Variants in GABRA4 observed in about 807,000 individuals in gnomAD.
GABRA4 encodes gamma-aminobutyric acid type A receptor subunit alpha4.
Under a neutral mutation model 49.7 loss-of-function variants are expected in GABRA4, and 12 were observed. The ratio of observed to expected loss-of-function variants is 0.24; its 90% CI spans 0.15 to 0.39. GABRA4 has a LOEUF of 0.39. GABRA4 is among the 10% of genes least tolerant of loss of function. The pLI, the probability that GABRA4 is intolerant of heterozygous loss-of-function variation, is 1.00. For missense variants in GABRA4, 506 were observed against 686.0 expected (o/e 0.74, Z 2.93); for synonymous variants, 288 against 240.2 (o/e 1.20, Z -1.84).
chr4:46,970,907 C>T (rs1287808902), intron 7 of GABRA4, among the ~76,000 whole-genome samples, 176 bp downstream of exon 7: 1 of 151,420 alleles, frequency 6.6e-6, no homozygotes, highest in Non-Finnish European at 1.5e-5. Flanking sequence ...AGGAAGGATG[C>T]CCAAATCTCC....
At chr4:46,959,758 CAA>C (rs67861758) in intron 8 of GABRA4, among the ~76,000 whole-genome samples, 51 of 82,664 alleles carry the variant, frequency 6.2e-4, no homozygotes, top group African/African-American at 2.2e-3. Context: ...CATCACTTTG[CAA>C]AAAAAAAAAA....
rs911690924 is a variant in GABRA4, at chr4:46,919,783, T to C, written c.*8442A>G. 6.6e-6 allele frequency: 1 copy of C among 151,668 alleles called. No individual in the cohort carries two copies. Among genetic ancestry groups the C allele is most frequent in the African/African-American group, 2.4e-5 (1 of 41,412 alleles). 9.4% of individuals were successfully genotyped at this position (151,668 alleles called of 1,614,324 possible). On this transcript the variant is annotated 3_prime_UTR_variant, in exon 9 of 9. Transcript: ENST00000264318. The stretch of plus-strand genomic sequence containing the variant: ...AACATTTTCAGAATCAAAGTAATTA[T>C]CAGGGGATTTCCTTCATTAAGGATA...
intron 8 of GABRA4, among the ~76,000 whole-genome samples, chr4:46,931,424 A>G (rs1285951086): frequency 1.3e-5 from 2 of 152,110 alleles, no homozygotes; most frequent in Non-Finnish European, 2.9e-5. Flanking sequence ...AAGTATTAAA[A>G]CATTTAAGTT....
At chr4:46,991,891 T>C (rs1032665040) in intron 2 of GABRA4, among the ~76,000 whole-genome samples, 2 of 152,214 alleles carry the variant, frequency 1.3e-5, no homozygotes, top group Non-Finnish European at 2.9e-5. Context: ...GTAAGCTCCT[T>C]TAAGGCAGAA....
chr4:46,957,075 C>G (rs1368229539), intron 8 of GABRA4, among the ~76,000 whole-genome samples: 1 of 151,914 alleles, frequency 6.6e-6, no homozygotes, highest in East Asian at 1.9e-4. Context: ...ATCACAGATA[C>G]TATTTACTGG....
At chr4:46,970,521 T>C (rs1414183980) in intron 7 of GABRA4, among the ~76,000 whole-genome samples, 2 of 151,438 alleles carry the variant, frequency 1.3e-5, no homozygotes, top group African/African-American at 4.8e-5. Context: ...ATACAGTATA[T>C]ATGAAGCCAC....
intron 2 of GABRA4, among the ~76,000 whole-genome samples, chr4:46,984,201 A>G (rs1723457222): frequency 6.6e-6 from 1 of 151,958 alleles, no homozygotes; most frequent in African/African-American, 2.4e-5. Context: ...CATTTTCCAT[A>G]TTGCCTCCCC....
chr4:46,959,803 T>G (rs1019942456), intron 8 of GABRA4, among the ~76,000 whole-genome samples: 28 of 140,670 alleles, frequency 2.0e-4, no homozygotes, highest in Admixed American at 1.4e-3. Context: ...CAACTCACTA[T>G]AACACAAAAA....
chr4:46,926,074 A>AAACAAC lies in GABRA4; in HGVS notation c.*2145_*2150dup, dbSNP rs140431107. On this transcript the variant is annotated 3_prime_UTR_variant, in exon 9 of 9. Transcript: ENST00000264318. ...GCAAAGAGTAAGAGTTCCTCACCAA[A>AAACAAC]AACAACAACAACAACAACAACAACA... 6.0e-5 allele frequency: 9 copies of AAACAAC among 149,514 alleles called. No homozygotes were observed. Among genetic ancestry groups the AAACAAC allele is most frequent in the Non-Finnish European group, 1.0e-4 (7 of 67,188 alleles). The allele number at this position is 149,514 out of a possible 1,614,324, so 9.3% of individuals were successfully genotyped here. A position where few individuals can be genotyped will look rare whatever the true frequency, so the allele number is the denominator to read the frequency against.
chr4:46,967,447 C>G (rs1164144695), intron 7 of GABRA4, among the ~76,000 whole-genome samples: 5 of 151,236 alleles, frequency 3.3e-5, no homozygotes, highest in Admixed American at 3.3e-4. Flanking sequence ...ATGTCCTTAC[C>G]AATGTCAAGC....
In GABRA4 at chr4:46,979,159, G is replaced by T. The variant is rs78436065; in HGVS notation, c.206-61C>A. Reference sequence around the variant, plus strand: ...ATTACCAATTTTACAGGCTGGGAAGGTTAGATAATTACAGAGTAAATACAG... The same window carrying T: ...ATTACCAATTTTACAGGCTGGGAAGTTTAGATAATTACAGAGTAAATACAG... On this transcript the variant is annotated intron_variant, in intron 2 of 8. Coordinates refer to ENST00000264318, the MANE Select transcript of GABRA4 (RefSeq NM_000809.4). 8.2e-5 allele frequency: 84 copies of T among 1,029,980 alleles called. 1 individual carries two copies. In the Admixed American group the frequency reaches 1.3e-3, roughly 16 times the overall value. The allele number at this position is 1,029,980 out of a possible 1,614,324, so 63.8% of individuals were successfully genotyped here.
chr4:46,984,792 A>G (rs1277824701), intron 2 of GABRA4, among the ~76,000 whole-genome samples: 4 of 152,022 alleles, frequency 2.6e-5, no homozygotes, highest in African/African-American at 9.7e-5. Flanking sequence ...CTTGTGTTAA[A>G]GAGGGTATCT....
chr4:46,928,219 A>G lies in GABRA4; in HGVS notation c.*6T>C. 1.9e-6 allele frequency: 3 copies of G among 1,594,738 alleles called. No individual in the cohort carries two copies. Among genetic ancestry groups the G allele is most frequent in the African/African-American group, 1.3e-5 (1 of 74,262 alleles). ...CATCTTTTAGCAAACTACTATAGCA[A>G]CGAAATTACATTAGACTTTCTGATT... On this transcript the variant is annotated 3_prime_UTR_variant, in exon 9 of 9. Transcript: ENST00000264318.
chr4:46,938,657 CT>C (rs907329025), intron 8 of GABRA4, among the ~76,000 whole-genome samples: 1 of 152,020 alleles, frequency 6.6e-6, no homozygotes, highest in African/African-American at 2.4e-5. Context: ...TGTTTGCCTA[CT>C]GAACATACAC....
At chr4:46,986,959 A>C (rs1225677656) in intron 2 of GABRA4, among the ~76,000 whole-genome samples, 2 of 152,136 alleles carry the variant, frequency 1.3e-5, no homozygotes, top group Non-Finnish European at 2.9e-5. Flanking sequence ...GCTTGGTCAA[A>C]GTATCCATCA....
rs1577733728 is a variant in GABRA4, at chr4:46,921,896, A to T, written c.*6329T>A. ...CCATTTGCACTAATAGGAGAAAGGA[A>T]ATTGACTGGCATATATCTTGGGCAG... On this transcript the variant is annotated 3_prime_UTR_variant, in exon 9 of 9. Coordinates refer to ENST00000264318, the MANE Select transcript of GABRA4 (RefSeq NM_000809.4). 1 of 152,136 alleles carries T rather than the reference A, an allele frequency of 6.6e-6. No individual in the cohort carries two copies. The highest frequency in any genetic ancestry group is 1.9e-4 in the East Asian group (1 of 5,190). The allele number at this position is 152,136 out of a possible 1,614,324, so 9.4% of individuals were successfully genotyped here.
At chr4:46,992,997 C>T (rs2109416348) in intron 1 of GABRA4, 51 bp from the exon 2 acceptor site, 1 of 1,371,640 alleles carries the variant, frequency 7.3e-7, no homozygotes, top group Non-Finnish European at 1.0e-6. Flanking sequence ...TTTTAAGAAT[C>T]CATCAGAGAA....
chr4:46,976,947 T>G (rs1010639137), intron 5 of GABRA4, 114 bp downstream of exon 5: 3 of 601,600 alleles, frequency 5.0e-6, no homozygotes, highest in Non-Finnish European at 8.8e-6. Flanking sequence ...AACCGGACAG[T>G]TTTTGTTATG....
intron 8 of GABRA4, among the ~76,000 whole-genome samples, chr4:46,959,079 C>G (rs974522586): frequency 2.0e-5 from 3 of 151,952 alleles, no homozygotes; most frequent in Non-Finnish European, 4.4e-5. Context: ...TCTAGTTATA[C>G]GTTGTAACAT....
Sources: allele counts gnomAD v4.1 joint callset (sites outside exome capture counted in the v4.1 genomes callset), GRCh38; gene constraint gnomAD v4.1.1; transcripts MANE v1.5; gene names NCBI Gene and HGNC (gene_info 2026-07-23, HGNC 2026-07-21).